PARD3: variants seen among roughly 807,000 people sequenced by gnomAD.
PARD3 encodes the protein partitioning defective 3 homolog.
Under a neutral mutation model 155.4 loss-of-function variants are expected in PARD3, and 75 were observed. The observed-to-expected ratio is 0.48, with a 90% CI of 0.40 to 0.58. The LOEUF (loss-of-function observed/expected upper bound fraction) is 0.58. Ranked by LOEUF, PARD3 falls within the 20% of genes least tolerant of loss-of-function variation. The pLI is 0.00. For synonymous variants in PARD3, 576 were observed against 610.5 expected (o/e 0.94, Z 0.83); for missense variants, 1,642 against 1,721.7 (o/e 0.95, Z 0.82).
intron 2 of PARD3, among the ~76,000 whole-genome samples, chr10:34,563,893 C>T (rs974085710): frequency 2.6e-5 from 4 of 152,066 alleles, no homozygotes; most frequent in Non-Finnish European, 4.4e-5. Context: ...TATAAAACAC[C>T]GTGTCTTGTA....
chr10:34,270,358 G>A (rs1055158403), intron 21 of PARD3, among the ~76,000 whole-genome samples: 1 of 152,020 alleles, frequency 6.6e-6, no homozygotes, highest in Admixed American at 6.6e-5. Flanking sequence ...GGCCAGACTG[G>A]TCTCAGACTC....
intron 1 of PARD3, among the ~76,000 whole-genome samples, chr10:34,718,700 C>T (rs931425393): frequency 1.2e-4 from 18 of 152,266 alleles, no homozygotes; most frequent in Admixed American, 1.1e-3. Context: ...CGGTGGCTCA[C>T]GCCTGTAATC....
intron 2 of PARD3, among the ~76,000 whole-genome samples, chr10:34,613,735 CAT>C (rs1162218168): frequency 6.6e-6 from 1 of 152,160 alleles, no homozygotes; most frequent in African/African-American, 2.4e-5. Context: ...AGGTTTAAAA[CAT>C]AGTTTTCTCG....
intron 3 of PARD3, among the ~76,000 whole-genome samples, chr10:34,500,231 G>A (rs2080590656): frequency 6.6e-6 from 1 of 152,218 alleles, no homozygotes. Context: ...AAAGCAGAAT[G>A]TAGGACACAC....
At chr10:34,443,690 G>A (rs112176076) in intron 5 of PARD3, among the ~76,000 whole-genome samples, 242 of 152,228 alleles carry the variant, frequency 1.6e-3, no homozygotes, top group African/African-American at 5.4e-3. Context: ...CCCACAATAC[G>A]TGGAAATTGT....
chr10:34,113,583 A>C (rs1216337010), intron 24 of PARD3, among the ~76,000 whole-genome samples: 4 of 152,076 alleles, frequency 2.6e-5, no homozygotes, highest in Non-Finnish European at 2.9e-5. Context: ...AGCAGTATCT[A>C]TATGCTCTTG....
intron 2 of PARD3, among the ~76,000 whole-genome samples, chr10:34,679,801 G>C (rs1489960135): frequency 2.0e-5 from 3 of 152,124 alleles, no homozygotes; most frequent in African/African-American, 7.2e-5. Flanking sequence ...GCAGGAACAG[G>C]GATGGAACTG....
At position 34,131,444 on chromosome 10, in the gene PARD3, T is replaced by C. The variant is rs775686018; in HGVS notation, c.3540+19A>G. ...GAAGTTGTAGGACCATTCACCGTGC[T>C]GAAGAACCAATTACTTACCCAGGGT... is the stretch of plus-strand genomic sequence containing the variant. On this transcript the variant is annotated intron_variant, in intron 23 of 24. Coordinates refer to ENST00000374788, the MANE Select transcript of PARD3 (RefSeq NM_001184785.2). 1 of 1,613,818 alleles carries C rather than the reference T, an allele frequency of 6.2e-7. No individual in the cohort carries two copies. Among genetic ancestry groups the C allele is most frequent in the African/African-American group, 1.3e-5 (1 of 75,030 alleles).
chr10:34,111,166 T>C lies in PARD3; in HGVS notation c.*3A>G. ...CGACATGAAGCATCCGTTATTTGCGTGCTCAGGAATAGAAGGGCCTCCCTT... is the reference window on the plus strand; with the variant it reads ...CGACATGAAGCATCCGTTATTTGCGCGCTCAGGAATAGAAGGGCCTCCCTT... On this transcript the variant is annotated 3_prime_UTR_variant, in exon 25 of 25. Transcript: ENST00000374788. The C allele has an allele frequency of 6.5e-7, 1 of 1,536,726 alleles. No homozygotes were observed. Among genetic ancestry groups the C allele is most frequent in the Middle Eastern group, 1.8e-4 (1 of 5,702 alleles).
chr10:34,526,081 A>C lies in PARD3; in HGVS notation c.223-8922T>G, dbSNP rs1321470856. 5.1e-3 allele frequency among the ~76,000 whole-genome samples: 173 copies of C among 34,120 alleles called. No individual in the cohort carries two copies. The African/African-American group carries it at 0.076, about 15-fold the overall frequency. 22.4% of individuals were successfully genotyped at this position (34,120 alleles called of 152,430 possible). A position where few individuals can be genotyped will look rare whatever the true frequency, so the allele number is the denominator to read the frequency against. Reference sequence around the variant, plus strand: ...TGGTGGCAGAGAGAGACTCCGTATCAAAAAAAAAAAAAAAAAAAAAAAAAA... The same window carrying C: ...TGGTGGCAGAGAGAGACTCCGTATCCAAAAAAAAAAAAAAAAAAAAAAAAA... On this transcript the variant is annotated intron_variant, in intron 2 of 24. Transcript: ENST00000374788.
At chr10:34,693,624 G>C (rs973740547) in intron 2 of PARD3, among the ~76,000 whole-genome samples, 1 of 152,012 alleles carries the variant, frequency 6.6e-6, no homozygotes, top group African/African-American at 2.4e-5. Flanking sequence ...TATCACCTGG[G>C]GTGACTAATC....
intron 1 of PARD3, among the ~76,000 whole-genome samples, chr10:34,779,402 C>T (rs1431076119): frequency 6.6e-6 from 1 of 151,822 alleles, no homozygotes; most frequent in East Asian, 1.9e-4. Flanking sequence ...CGACATCAGG[C>T]GATCGAGACC....
intron 2 of PARD3, among the ~76,000 whole-genome samples, chr10:34,639,393 A>C (rs2092593716): frequency 6.6e-6 from 1 of 152,186 alleles, no homozygotes; most frequent in Non-Finnish European, 1.5e-5. Flanking sequence ...GTAAAAAAAA[A>C]ATAAAATACA....
At position 34,670,305 on chromosome 10, in the gene PARD3, C is replaced by A. The variant is rs2093586967; in HGVS notation, c.222+26013G>T. Among the ~76,000 whole-genome samples, 3 of 152,248 alleles carry A rather than the reference C, an allele frequency of 2.0e-5. No homozygotes were observed. The South Asian group carries it at 6.2e-4, about 31-fold the overall frequency. The stretch of plus-strand genomic sequence containing the variant: ...ACACCAATACCAGCCAGCGCGTGCA[C>A]ACCGGCTCGCCAGGCCGCCGCTGGC... On this transcript the variant is annotated intron_variant, in intron 2 of 24. Coordinates refer to ENST00000374788, the MANE Select transcript of PARD3 (RefSeq NM_001184785.2).
At chr10:34,569,358 G>T (rs1361206278) in intron 2 of PARD3, among the ~76,000 whole-genome samples, 2 of 152,156 alleles carry the variant, frequency 1.3e-5, no homozygotes, top group Non-Finnish European at 2.9e-5. Flanking sequence ...TTATGAGGGA[G>T]AAATTATTCA....
rs1365232161 is a variant in PARD3, at chr10:34,341,729, T to C, written c.2306A>G (p.His769Arg). ...GCTGGAAGAGGACTGGTCAGAGAGATGTGGAGGAAGCACTGGCAACCTGTC... is the reference window on the plus strand; with the variant it reads ...GCTGGAAGAGGACTGGTCAGAGAGACGTGGAGGAAGCACTGGCAACCTGTC... ...EDDRLPVLPP[H>R]LSDQSSSSSH... Residue 769 changes from histidine to arginine, a missense_variant, in exon 16 of 25, where the codon CAT (histidine) becomes CGT (arginine). By Grantham distance (29) the His-to-Arg change is conservative. This residue lies in a region of PARD3 where 1,529 missense variants were observed against 1,587.3 expected (regional missense o/e 0.96). Transcript: ENST00000374788. 2.5e-6 allele frequency: 4 copies of C among 1,613,782 alleles called. No individual in the cohort carries two copies. In the South Asian group the frequency reaches 3.3e-5, roughly 13 times the overall value.
rs538128792 is a variant in PARD3 at position 34,326,304 on chromosome 10, T to C, written c.2833+4813A>G. 2.0e-5 allele frequency among the ~76,000 whole-genome samples: 3 copies of C among 152,274 alleles called. No individual in the cohort carries two copies. The South Asian group carries it at 6.2e-4, about 32-fold the overall frequency. ...CTATGATCAGAAACCTCCTAAAAAT[T>C]AATCGAAGCTCCCTTTCTTAAACTG... On this transcript the variant is annotated intron_variant, in intron 19 of 24. Coordinates refer to ENST00000374788, the MANE Select transcript of PARD3 (RefSeq NM_001184785.2).
intron 3 of PARD3, among the ~76,000 whole-genome samples, chr10:34,486,405 G>A (rs540239167): frequency 6.6e-6 from 1 of 152,260 alleles, no homozygotes; most frequent in South Asian, 2.1e-4. Context: ...GTCTGTTTTG[G>A]TTTTGTTTCA....
At chr10:34,239,039 G>C (rs1391761549) in intron 22 of PARD3, among the ~76,000 whole-genome samples, 1 of 152,036 alleles carries the variant, frequency 6.6e-6, no homozygotes, top group Non-Finnish European at 1.5e-5. Flanking sequence ...AATACAGATG[G>C]GTATTTTAAG....
Sources: allele counts gnomAD v4.1 joint callset (sites outside exome capture counted in the v4.1 genomes callset), GRCh38; gene constraint gnomAD v4.1.1; regional missense constraint gnomAD v4.1.1; transcripts MANE v1.5; gene names NCBI Gene and HGNC (gene_info 2026-07-23, HGNC 2026-07-21).